Variants in SLCO1B3 observed in about 807,000 individuals in gnomAD.
SLCO1B3 encodes liver-specific organic anion transporter 2.
SLCO1B3 carries 72 observed loss-of-function variants against 71.8 expected under a neutral mutation model. That is an observed-to-expected ratio of 1.00 (90% CI 0.83 to 1.22). The LOEUF (loss-of-function observed/expected upper bound fraction) is 1.22, where lower values mean the gene tolerates loss of function less well. Ranked by LOEUF, SLCO1B3 falls within the 50% of genes most tolerant of loss-of-function variation. The pLI is 0.00. For synonymous variants in SLCO1B3, 298 were observed against 278.4 expected (o/e 1.07, Z -0.70); for missense variants, 911 against 819.7 (o/e 1.11, Z -1.36).
rs188442963 is a variant in SLCO1B3, at chr12:20,841,933, A to G, written c.85-13095A>G. Among the ~76,000 whole-genome samples, 14 of 147,572 alleles carry G rather than the reference A, an allele frequency of 9.5e-5. No individual in the cohort carries two copies. In the East Asian group the frequency reaches 2.6e-3, roughly 27 times the overall value. ...AGAGTCTCACTCTTTCACCCAGGCT[A>G]GAGTGCAGTGGAGCAATCTCGGCTC... On this transcript the variant is annotated intron_variant, in intron 3 of 15. Coordinates refer to ENST00000381545, the MANE Select transcript of SLCO1B3 (RefSeq NM_019844.4).
rs148629466 is a variant in SLCO1B3, at chr12:20,899,437, A to G, written c.1747+937A>G. ...GGGGTCAGTTTCTGGGACCCTTGCA[A>G]GGAAAGGAAAAAGTATAACTCTATG... On this transcript the variant is annotated intron_variant, in intron 14 of 15. Coordinates refer to ENST00000381545, the MANE Select transcript of SLCO1B3 (RefSeq NM_019844.4). Among the ~76,000 whole-genome samples, 1,179 of 152,302 alleles carry G rather than the reference A, an allele frequency of 7.7e-3. 7 individuals are homozygous for G. Among genetic ancestry groups the G allele is most frequent in the Non-Finnish European group, 0.013 (894 of 68,022 alleles).
chr12:20,814,981 CTTT>C (rs71039997), intron 2 of SLCO1B3, among the ~76,000 whole-genome samples: 4 of 89,292 alleles, frequency 4.5e-5, no homozygotes, highest in Non-Finnish European at 4.6e-5. Flanking sequence ...CTTTTCTTTT[CTTT>C]TTTTTTTTTT....
At chr12:20,812,865 TC>T (rs1422633378) in intron 1 of SLCO1B3, among the ~76,000 whole-genome samples, 1 of 89,120 alleles carries the variant, frequency 1.1e-5, no homozygotes, top group Non-Finnish European at 3.0e-5. Context: ...GCCTTGCAAG[TC>T]GTTCAAAAAG....
At chr12:20,829,160 A>T (rs1864487755) in intron 3 of SLCO1B3, among the ~76,000 whole-genome samples, 1 of 152,244 alleles carries the variant, frequency 6.6e-6, no homozygotes, top group Admixed American at 6.5e-5. Context: ...AGTTAAGTCA[A>T]ACAAACAGAC....
chr12:20,821,716 A>G (rs1224110017), intron 3 of SLCO1B3, among the ~76,000 whole-genome samples: 1 of 152,114 alleles, frequency 6.6e-6, no homozygotes, highest in East Asian at 1.9e-4. Flanking sequence ...CCCCTCCCCC[A>G]GAAAAGCGGG....
intron 3 of SLCO1B3, among the ~76,000 whole-genome samples, chr12:20,845,728 T>C (rs1864903685): frequency 6.6e-6 from 1 of 152,212 alleles, no homozygotes; most frequent in South Asian, 2.1e-4. Context: ...TAATATCTGT[T>C]AGGCTCATTT....
At chr12:20,849,174 A>T (rs79968444) in intron 3 of SLCO1B3, among the ~76,000 whole-genome samples, 109,661 of 151,540 alleles carry the variant, frequency 0.72, 42,264 homozygotes, top group South Asian at 0.9. Flanking sequence ...TTTTCAAGAA[A>T]ATACTAGCCA....
intron 15 of SLCO1B3, among the ~76,000 whole-genome samples, chr12:20,910,219 T>C (rs1866346390): frequency 6.6e-6 from 1 of 152,222 alleles, no homozygotes; most frequent in Admixed American, 6.5e-5. Flanking sequence ...CTATATTTTC[T>C]CCATTGTAGT....
chr12:20,867,453 G>A (rs1418922703), intron 8 of SLCO1B3, among the ~76,000 whole-genome samples: 1 of 151,816 alleles, frequency 6.6e-6, no homozygotes, highest in African/African-American at 2.4e-5. Flanking sequence ...AAGGTGTGGA[G>A]TGAAGAATTT....
At chr12:20,818,474 A>T (rs1864232103) in intron 3 of SLCO1B3, among the ~76,000 whole-genome samples, 1 of 123,404 alleles carries the variant, frequency 8.1e-6, no homozygotes, top group African/African-American at 2.6e-5. Flanking sequence ...GTCTACTTAG[A>T]CAAAGAGGTA....
At chr12:20,887,359 C>A (rs1461889838) in intron 13 of SLCO1B3, among the ~76,000 whole-genome samples, 1 of 151,954 alleles carries the variant, frequency 6.6e-6, no homozygotes, top group Non-Finnish European at 1.5e-5. Context: ...ATTCATTTTT[C>A]TTTTCATCTT....
intron 3 of SLCO1B3, among the ~76,000 whole-genome samples, chr12:20,835,442 T>A (rs1864659956): frequency 1.3e-5 from 2 of 152,126 alleles, no homozygotes; most frequent in African/African-American, 4.8e-5. Flanking sequence ...ATGTTCTGCT[T>A]CCTCTTGTAC....
chr12:20,811,961 G>T (rs1864117506), intron 1 of SLCO1B3, among the ~76,000 whole-genome samples: 1 of 141,022 alleles, frequency 7.1e-6, no homozygotes, highest in African/African-American at 2.6e-5. Flanking sequence ...AGGCTGGAGT[G>T]CAATGGCGTG....
intron 3 of SLCO1B3, among the ~76,000 whole-genome samples, chr12:20,819,973 T>C (rs1332328718): frequency 6.6e-6 from 1 of 152,004 alleles, no homozygotes; most frequent in African/African-American, 2.4e-5. Flanking sequence ...TTGGTTAAAA[T>C]ATCTCGGCCT....
At chr12:20,882,882 T>G (rs1865718834) in intron 12 of SLCO1B3, among the ~76,000 whole-genome samples, 1 of 152,182 alleles carries the variant, frequency 6.6e-6, no homozygotes. Flanking sequence ...TTCTAACCAT[T>G]AGCCAGCACA....
chr12:20,815,928 T>G (rs1350234864), intron 3 of SLCO1B3, 106 bp downstream of exon 3: 2 of 551,974 alleles, frequency 3.6e-6, no homozygotes, highest in Non-Finnish European at 6.2e-6. Flanking sequence ...ATATTACAAT[T>G]TTTCCATTGA....
chr12:20,898,432 T>A lies in SLCO1B3; in HGVS notation c.1683-4T>A, dbSNP rs1866059681. 1 of 1,585,230 alleles carries A rather than the reference T, an allele frequency of 6.3e-7. No individual in the cohort carries two copies. Among genetic ancestry groups the A allele is most frequent in the African/African-American group, 1.3e-5 (1 of 74,472 alleles). ...ATTATTTCTTTGCCTTTATCATATT[T>A]CAGGATTGTTCAACCTGAATTGAAA... is the stretch of plus-strand genomic sequence containing the variant. On this transcript the variant is annotated splice_polypyrimidine_tract_variant and splice_region_variant and intron_variant, in intron 13 of 15. Transcript: ENST00000381545.
At chr12:20,886,217 A>G (rs904193507) in intron 13 of SLCO1B3, among the ~76,000 whole-genome samples, 1 of 151,992 alleles carries the variant, frequency 6.6e-6, no homozygotes, top group East Asian at 1.9e-4. Flanking sequence ...GAGGAAGTAG[A>G]AAAGCAAAAT....
chr12:20,815,258 A>G (rs1387874548), intron 2 of SLCO1B3, among the ~76,000 whole-genome samples: 2 of 152,126 alleles, frequency 1.3e-5, no homozygotes, highest in African/African-American at 2.4e-5. Context: ...TTGAGTATCC[A>G]CTATGTGCAA....
Sources: allele counts gnomAD v4.1 joint callset (sites outside exome capture counted in the v4.1 genomes callset), GRCh38; gene constraint gnomAD v4.1.1; transcripts MANE v1.5; gene names NCBI Gene and HGNC (gene_info 2026-07-23, HGNC 2026-07-21).